The following SPI1 variants were observed in gnomAD, a reference collection of about 807,000 sequenced individuals.
SPI1 encodes the protein Spi-1 proto-oncogene.
Under a neutral mutation model 30.7 loss-of-function variants are expected in SPI1, and 3 were observed. That is an observed-to-expected ratio of 0.10 (90% confidence interval 0.04 to 0.25). The LOEUF (loss-of-function observed/expected upper bound fraction) is 0.25, where lower values mean the gene tolerates loss of function less well. SPI1 is among the 10% of genes least tolerant of loss of function. The probability of loss-of-function intolerance (pLI) is 1.00; values close to 1 mark genes in which losing one functional copy is unlikely to be tolerated. For synonymous variants in SPI1, 169 were observed against 157.1 expected (o/e 1.08, Z -0.56); for missense variants, 261 against 371.5 (o/e 0.70, Z 2.45).
intron 2 of SPI1, among the ~76,000 whole-genome samples, chr11:47,361,238 A>G (rs990666739): frequency 3.3e-5 from 5 of 152,156 alleles, no homozygotes; most frequent in Non-Finnish European, 5.9e-5. Context: ...GCCTTGTCAC[A>G]TGGCCAAGGT....
At chr11:47,357,423 A>G (rs1206462004) in intron 4 of SPI1, among the ~76,000 whole-genome samples, 1 of 152,016 alleles carries the variant, frequency 6.6e-6, no homozygotes, top group African/African-American at 2.4e-5. Context: ...ATCCACTTGC[A>G]TGCTTACACG....
rs780389248 is a variant in SPI1, at chr11:47,358,752, G to C, written c.493+92C>G. On this transcript the variant is annotated intron_variant, in intron 4 of 4. Coordinates refer to ENST00000378538, the MANE Select transcript of SPI1 (RefSeq NM_003120.3). ...ACACACACACACACGCGACTCGGTG[G>C]CGTGGCTGCTGGGTCAGTTGGCCTG... 8.4e-5 allele frequency: 106 copies of C among 1,268,150 alleles called. No individual in the cohort carries two copies. In the Middle Eastern group the frequency reaches 1.5e-3, roughly 17 times the overall value. 78.6% of individuals were successfully genotyped at this position (1,268,150 alleles called of 1,614,324 possible).
At chr11:47,362,570 C>CTTTTTTTT (rs377422572) in intron 2 of SPI1, among the ~76,000 whole-genome samples, 3 of 108,022 alleles carry the variant, frequency 2.8e-5, no homozygotes, top group African/African-American at 3.6e-5. Flanking sequence ...GACCCTGTCT[C>CTTTTTTTT]TTTTTTTTTT....
At chr11:47,363,311 A>C (rs1331776427) in intron 2 of SPI1, among the ~76,000 whole-genome samples, 2 of 152,230 alleles carry the variant, frequency 1.3e-5, no homozygotes, top group Non-Finnish European at 2.9e-5. Flanking sequence ...ACCTGAGGTC[A>C]GGAGTCCGAG....
intron 1 of SPI1, among the ~76,000 whole-genome samples, chr11:47,376,637 C>T (rs538743025): frequency 6.8e-6 from 1 of 147,068 alleles, no homozygotes; most frequent in Non-Finnish European, 1.5e-5. Context: ...TCTTCCCTGT[C>T]CTCCTTCTTT....
intron 2 of SPI1, among the ~76,000 whole-genome samples, chr11:47,364,225 A>G (rs1254647506): frequency 1.3e-5 from 2 of 151,156 alleles, no homozygotes; most frequent in African/African-American, 4.9e-5. Flanking sequence ...AATTTTTTCT[A>G]TTTTTTAGTA....
intron 2 of SPI1, among the ~76,000 whole-genome samples, chr11:47,366,174 A>C (rs1161596945): frequency 6.6e-6 from 1 of 152,060 alleles, no homozygotes; most frequent in East Asian, 1.9e-4. Context: ...GCCAGCCAGA[A>C]ATGACCCATT....
At chr11:47,367,748 ATTTTTTTTTTTTT>A (rs1173025260) in intron 2 of SPI1, among the ~76,000 whole-genome samples, 3 of 64,754 alleles carry the variant, frequency 4.6e-5, no homozygotes, top group South Asian at 6.4e-4. Context: ...TGATGGTTAA[ATTTTTTTTTTTTT>A]TTTTTTTTTT....
intron 4 of SPI1, among the ~76,000 whole-genome samples, chr11:47,356,786 TCACA>T (rs777486449): frequency 6.2e-5 from 9 of 146,316 alleles, no homozygotes; most frequent in East Asian, 4.1e-4. Flanking sequence ...TACCCACACC[TCACA>T]CACACTTGCA....
intron 2 of SPI1, among the ~76,000 whole-genome samples, chr11:47,364,025 A>G (rs1228321335): frequency 6.6e-6 from 1 of 150,472 alleles, no homozygotes; most frequent in African/African-American, 2.4e-5. Context: ...CTAAACCTGA[A>G]GCGAAAACAA....
Position 47,358,991 on chromosome 11 carries a change from G to A in SPI1, c.346C>T (p.Arg116Trp), listed in dbSNP as rs1338958161. Residue 116 changes from arginine to tryptophan, a missense_variant, in exon 4 of 5, where the codon CGG becomes TGG. Physicochemically the swap from Arg to Trp is moderately radical, Grantham distance 101. This residue lies in a region of SPI1 where 106 missense variants were observed against 102.0 expected (regional missense o/e 1.04). Transcript: ENST00000378538. ...SLGHQVSYLP[R>W]MCLQYPSLSP... ...AGGGATGGGTACTGGAGGCACATCC[G>A]GGGCAGGTAGGAGACCTGGACGGTG... is the stretch of plus-strand genomic sequence containing the variant. 4 of 1,530,466 alleles carry A rather than the reference G, an allele frequency of 2.6e-6. No homozygotes were observed. Among genetic ancestry groups the A allele is most frequent in the Admixed American group, 2.1e-5 (1 of 47,516 alleles). 94.8% of individuals were successfully genotyped at this position (1,530,466 alleles called of 1,614,324 possible).
intron 2 of SPI1, among the ~76,000 whole-genome samples, chr11:47,361,872 A>G (rs1426048179): frequency 6.7e-6 from 1 of 148,884 alleles, no homozygotes; most frequent in Non-Finnish European, 1.5e-5. Flanking sequence ...TTTCTCCCGG[A>G]GCCTCTCATT....
In SPI1 at chr11:47,359,947, G is replaced by A. The variant is rs746398377; in HGVS notation, c.236C>T (p.Pro79Leu). Residue 79 changes from proline to leucine, a missense_variant, in exon 3 of 5, where the codon CCG (proline) becomes CTG (leucine). Coordinates refer to ENST00000378538, the MANE Select transcript of SPI1 (RefSeq NM_003120.3). The surrounding 1 kb of genome is among the most constrained non-coding windows in gnomAD (Gnocchi z 5.1). ...NFTELQSVQP[P>L]QLQQLYRHME... ...GTGGCGGTAGAGCTGCTGCAGCTGC[G>A]GGGGCTGCACGCTCTGGAGCTCCGT... The A allele has an allele frequency of 2.5e-6, 4 of 1,611,450 alleles. No individual in the cohort carries two copies. In the African/African-American group the frequency reaches 4.0e-5, roughly 16 times the overall value.
chr11:47,362,341 GGGAGGATCACTTCAGCCCA>G (rs1345220203), intron 2 of SPI1, among the ~76,000 whole-genome samples: 4 of 152,106 alleles, frequency 2.6e-5, no homozygotes, highest in Non-Finnish European at 4.4e-5. Context: ...AGGCTGGAGA[GGGAGGATCACTTCAGCCCA>G]GGAGTTTGAG....
Position 47,359,987 on chromosome 11 carries a change from C to T in SPI1, c.196G>A (p.Ala66Thr), listed in dbSNP as rs113825984. 1.1e-4 allele frequency: 183 copies of T among 1,604,506 alleles called. No homozygotes were observed. The highest frequency in any genetic ancestry group is 3.6e-4 in the Admixed American group (21 of 59,142). ...HHVHSEFESF[A>T]ENNFTELQSV... ...TGGAGCTCCGTGAAGTTGTTCTCGG[C>T]GAAGCTCTCGAACTCGCTGTGCACG... Residue 66 changes from alanine (A) to threonine (T), a missense_variant, in exon 3 of 5, where the codon GCC becomes ACC. This residue lies in a region of SPI1 where 78 missense variants were observed against 93.2 expected (regional missense o/e 0.84). Coordinates refer to ENST00000378538, the MANE Select transcript of SPI1 (RefSeq NM_003120.3). The surrounding 1 kb of genome is among the most constrained non-coding windows in gnomAD (Gnocchi z 5.1).
intron 4 of SPI1, 167 bp downstream of exon 4, chr11:47,358,677 C>G (rs1272644429): frequency 1.2e-5 from 9 of 750,706 alleles, no homozygotes; most frequent in Admixed American, 8.0e-5. Flanking sequence ...TACACACACA[C>G]AGAGACAGCC....
intron 2 of SPI1, among the ~76,000 whole-genome samples, chr11:47,366,199 A>G (rs538120965): frequency 6.6e-6 from 1 of 152,152 alleles, no homozygotes; most frequent in South Asian, 2.1e-4. Flanking sequence ...TTCATCTCTC[A>G]TTTCCTCTCT....
chr11:47,355,706 ACT>A (rs1175791637), intron 4 of SPI1, among the ~76,000 whole-genome samples, 160 bp from the exon 5 acceptor site: 1 of 151,472 alleles, frequency 6.6e-6, no homozygotes, highest in Non-Finnish European at 1.5e-5. Flanking sequence ...ACGCACCCAC[ACT>A]CACACACACA....
chr11:47,361,667 C>A (rs1457671134), intron 2 of SPI1, among the ~76,000 whole-genome samples: 1 of 152,168 alleles, frequency 6.6e-6, no homozygotes, highest in East Asian at 1.9e-4. Flanking sequence ...TGGGACAAGT[C>A]CACCACCAGC....
Sources: allele counts gnomAD v4.1 joint callset (sites outside exome capture counted in the v4.1 genomes callset), GRCh38; gene constraint gnomAD v4.1.1; regional missense constraint gnomAD v4.1.1; non-coding constraint Gnocchi (gnomAD v3.1); transcripts MANE v1.5; gene names NCBI Gene and HGNC (gene_info 2026-07-23, HGNC 2026-07-21).